Variants in PALLD observed in about 807,000 individuals in gnomAD.
The protein encoded by PALLD is palladin, cytoskeletal associated protein, also known as palladin.
PALLD carries 61 observed loss-of-function variants against 123.5 expected under a neutral mutation model. The ratio of observed to expected loss-of-function variants is 0.49; its 90% CI spans 0.40 to 0.61. The LOEUF (loss-of-function observed/expected upper bound fraction) is 0.61, where lower values mean the gene tolerates loss of function less well. Ranked by LOEUF, PALLD falls within the 20% of genes least tolerant of loss-of-function variation. The pLI is 0.00. For synonymous variants in PALLD, 465 were observed against 496.4 expected, an observed-to-expected ratio of 0.94 and a Z score of 0.84; for missense variants, 1,273 against 1,377.0, an observed-to-expected ratio of 0.92 and a Z score of 1.20.
intron 21 of PALLD, 108 bp downstream of exon 21, chr4:168,925,386 T>G: frequency 1.2e-6 from 1 of 828,544 alleles, no homozygotes; most frequent in Non-Finnish European, 2.1e-6. Context: ...GAGTTAACAG[T>G]AGGCAAAGGC....
intron 4 of PALLD, 126 bp downstream of exon 4, chr4:168,681,524 C>A: frequency 1.6e-6 from 1 of 625,286 alleles, no homozygotes; most frequent in Non-Finnish European, 2.9e-6. Flanking sequence ...AGATCAAATA[C>A]TGAGGTTGGA....
At chr4:168,773,653 G>A (rs571556862) in intron 10 of PALLD, among the ~76,000 whole-genome samples, 5 of 152,220 alleles carry the variant, frequency 3.3e-5, no homozygotes, top group African/African-American at 7.2e-5. Context: ...AGCCATCATC[G>A]TGTACTGCCC....
At chr4:168,806,991 G>A (rs6822195) in intron 10 of PALLD, among the ~76,000 whole-genome samples, 47,053 of 151,972 alleles carry the variant, frequency 0.31, 8,131 homozygotes, top group Non-Finnish European at 0.41. Flanking sequence ...ACACGTGCCC[G>A]GAGCTGTGCT....
intron 9 of PALLD, among the ~76,000 whole-genome samples, chr4:168,709,855 A>G (rs1274045394): frequency 6.6e-6 from 1 of 152,058 alleles, no homozygotes; most frequent in Non-Finnish European, 1.5e-5. Context: ...AAAATCGTGC[A>G]GTCTTGGTCT....
At chr4:168,744,229 T>C (rs1460396324) in intron 10 of PALLD, among the ~76,000 whole-genome samples, 1 of 152,134 alleles carries the variant, frequency 6.6e-6, no homozygotes, top group Non-Finnish European at 1.5e-5. Flanking sequence ...ATCGTGCGTG[T>C]CCAGGAAGAG....
At chr4:168,655,953 A>G (rs1473545972) in intron 2 of PALLD, among the ~76,000 whole-genome samples, 1 of 152,226 alleles carries the variant, frequency 6.6e-6, no homozygotes, top group African/African-American at 2.4e-5. Context: ...CGAAGACACC[A>G]ATAGGAGCTG....
In PALLD at chr4:168,798,140, G is replaced by A. The variant is rs561367991; in HGVS notation, c.1964+86217G>A. On this transcript the variant is annotated intron_variant, in intron 10 of 21. Transcript: ENST00000505667. The stretch of plus-strand genomic sequence containing the variant: ...GTAAGGAAATGTGGAGTACATTCCA[G>A]CATGCTTTCTATGATGAGTAGATGT... Among the ~76,000 whole-genome samples the A allele has an allele frequency of 2.6e-5, 4 of 152,222 alleles. No homozygotes were observed. The South Asian group carries it at 8.3e-4, about 32-fold the overall frequency.
At chr4:168,616,832 C>T (rs1309895442) in intron 2 of PALLD, among the ~76,000 whole-genome samples, 2 of 152,150 alleles carry the variant, frequency 1.3e-5, no homozygotes, top group East Asian at 3.8e-4. Flanking sequence ...ATAAGAGATT[C>T]TAGAATGGAG....
At chr4:168,567,743 A>C (rs899581079) in intron 2 of PALLD, among the ~76,000 whole-genome samples, 4 of 151,986 alleles carry the variant, frequency 2.6e-5, no homozygotes, top group Non-Finnish European at 4.4e-5. Flanking sequence ...TGGGAGCTAA[A>C]CAATCTGTAC....
At chr4:168,829,052 ATTCTCATCAGTGCTTCTACTGATACTAGT>A (rs1444717320) in intron 10 of PALLD, 1 of 152,252 alleles carries the variant, frequency 6.6e-6, no homozygotes, top group Non-Finnish European at 1.5e-5. Flanking sequence ...CTTGGCAGAA[ATTCTCATCAGTGCTTCTACTGATACTAGT>A]TTTAGCAATT....
rs80302049 is a variant in PALLD, at chr4:168,724,669, G to A, written c.1964+12746G>A. 1.6e-4 allele frequency among the ~76,000 whole-genome samples: 24 copies of A among 150,982 alleles called. No individual in the cohort carries two copies. The East Asian group carries it at 4.5e-3, about 28-fold the overall frequency. On this transcript the variant is annotated intron_variant, in intron 10 of 21. Coordinates refer to ENST00000505667, the MANE Select transcript of PALLD (RefSeq NM_001166108.2). ...AAAATAAGTTGGCTGGATAAATCACGTCAATTTGAACACACACATCTTTGC... is the reference window on the plus strand; with the variant it reads ...AAAATAAGTTGGCTGGATAAATCACATCAATTTGAACACACACATCTTTGC...
intron 2 of PALLD, chr4:168,631,745 G>C (rs1775837090): frequency 1.0e-6 from 1 of 985,362 alleles, no homozygotes; most frequent in Non-Finnish European, 1.2e-6. Flanking sequence ...CCGGCCTTTT[G>C]GCAGCGCGGC....
At chr4:168,660,065 G>A (rs530770671) in intron 2 of PALLD, among the ~76,000 whole-genome samples, 1 of 152,164 alleles carries the variant, frequency 6.6e-6, no homozygotes, top group African/African-American at 2.4e-5. Flanking sequence ...ACCCTATCTT[G>A]GAGAATCGGA....
At chr4:168,542,042 C>T (rs1765667665) in intron 2 of PALLD, among the ~76,000 whole-genome samples, 2 of 152,122 alleles carry the variant, frequency 1.3e-5, no homozygotes, top group African/African-American at 2.4e-5. Context: ...TGCTCAAATT[C>T]GTATGTGTAT....
At chr4:168,881,779 G>C (rs1367356419) in intron 10 of PALLD, among the ~76,000 whole-genome samples, 2 of 152,196 alleles carry the variant, frequency 1.3e-5, no homozygotes, top group Admixed American at 6.5e-5. Context: ...CTGGTAAGTT[G>C]GTGTTACAGC....
At chr4:168,712,854 C>T (rs2150218533) in intron 10 of PALLD, among the ~76,000 whole-genome samples, 1 of 152,156 alleles carries the variant, frequency 6.6e-6, no homozygotes, top group Admixed American at 6.5e-5. Context: ...TCTTTATTTC[C>T]CTAGCATTGA....
rs747755592 is a variant in PALLD, at chr4:168,746,380, CAAAA to C, written c.1964+34484_1964+34487del. 2.2e-3 allele frequency among the ~76,000 whole-genome samples: 81 copies of C among 37,002 alleles called. 1 individual carries two copies. Among genetic ancestry groups the C allele is most frequent in the African/African-American group, 6.0e-3 (77 of 12,916 alleles). The allele number at this position is 37,002 out of a possible 152,430, so 24.3% of individuals were successfully genotyped here. A position where few individuals can be genotyped will look rare whatever the true frequency, so the allele number is the denominator to read the frequency against. On this transcript the variant is annotated intron_variant, in intron 10 of 21. Transcript: ENST00000505667. ...TGGGCGACAGAGCGAGAACCCGTCT[CAAAA>C]AAAAAAAAAAAAAAAAAAAAAAAAA...
chr4:168,823,980 T>C (rs1455358897), intron 10 of PALLD, among the ~76,000 whole-genome samples: 1 of 152,244 alleles, frequency 6.6e-6, no homozygotes, highest in Admixed American at 6.5e-5. Context: ...ACCAAAGTTA[T>C]GTCAAGCTTG....
intron 15 of PALLD, among the ~76,000 whole-genome samples, chr4:168,907,911 T>C (rs1758148004): frequency 1.3e-5 from 2 of 152,142 alleles, no homozygotes; most frequent in African/African-American, 2.4e-5. Context: ...CCTATTATAG[T>C]ATTCCAACCA....
Sources: allele counts gnomAD v4.1 joint callset (sites outside exome capture counted in the v4.1 genomes callset), GRCh38; gene constraint gnomAD v4.1.1; transcripts MANE v1.5; gene names NCBI Gene and HGNC (gene_info 2026-07-23, HGNC 2026-07-21).